Variants in PHKB observed in about 807,000 individuals in gnomAD.
PHKB encodes the protein phosphorylase kinase regulatory subunit beta.
Under a neutral mutation model 152.1 loss-of-function variants are expected in PHKB, and 122 were observed. The ratio of observed to expected loss-of-function variants is 0.80; its 90% CI spans 0.69 to 0.93. The LOEUF (loss-of-function observed/expected upper bound fraction) is 0.93. PHKB is among the 40% of genes least tolerant of loss of function. The pLI, the probability that PHKB is intolerant of heterozygous loss-of-function variation, is 0.00. For missense variants in PHKB, 1,304 were observed against 1,328.4 expected (o/e 0.98, Z 0.29); for synonymous variants, 436 against 464.9 (o/e 0.94, Z 0.80).
chr16:47,671,639 C>A (rs1330663380), intron 26 of PHKB, among the ~76,000 whole-genome samples: 2 of 152,128 alleles, frequency 1.3e-5, no homozygotes, highest in Non-Finnish European at 2.9e-5. Context: ...GTGAAAAATG[C>A]ATTGCCTATT....
At chr16:47,516,883 G>A (rs1970607097) in intron 6 of PHKB, among the ~76,000 whole-genome samples, 1 of 152,124 alleles carries the variant, frequency 6.6e-6, no homozygotes, top group East Asian at 1.9e-4. Context: ...ATAATTGTTA[G>A]TGTTTATAAT....
rs143178487 is a variant in PHKB, at chr16:47,574,216, C to T, written c.711-6079C>T. 1.1e-4 allele frequency among the ~76,000 whole-genome samples: 17 copies of T among 152,150 alleles called. No homozygotes were observed. The East Asian group carries it at 3.1e-3, about 28-fold the overall frequency. On this transcript the variant is annotated intron_variant, in intron 7 of 30. Transcript: ENST00000323584. ...ATTACAGGCATGAGCCATCACTTCTCATATGCTCCTTGTGGCTCACCAAAT... is the reference window on the plus strand; with the variant it reads ...ATTACAGGCATGAGCCATCACTTCTTATATGCTCCTTGTGGCTCACCAAAT...
intron 1 of PHKB, among the ~76,000 whole-genome samples, chr16:47,487,206 G>A (rs917764926): frequency 6.6e-6 from 1 of 152,174 alleles, no homozygotes; most frequent in Non-Finnish European, 1.5e-5. Context: ...CCAGTAGGGA[G>A]TGCTATGTAA....
At chr16:47,619,367 T>C (rs1972578291) in intron 14 of PHKB, 1 of 152,200 alleles carries the variant, frequency 6.6e-6, no homozygotes, top group South Asian at 2.1e-4. Flanking sequence ...TGCCTTAGGA[T>C]GCTGAGAGTT....
At chr16:47,554,522 G>A (rs1971332043) in intron 7 of PHKB, among the ~76,000 whole-genome samples, 1 of 152,114 alleles carries the variant, frequency 6.6e-6, no homozygotes, top group Non-Finnish European at 1.5e-5. Context: ...CCAGGGGAGT[G>A]AACGGTTCTG....
chr16:47,510,799 C>CCACTTAGGTATTATCAT (rs1270060108), intron 4 of PHKB, among the ~76,000 whole-genome samples: 14 of 152,076 alleles, frequency 9.2e-5, no homozygotes, highest in Non-Finnish European at 1.9e-4. Context: ...AAGAATGCAA[C>CCACTTAGGTATTATCAT]CACTTAGGTA....
intron 20 of PHKB, among the ~76,000 whole-genome samples, chr16:47,656,686 C>G (rs1973345176): frequency 6.6e-6 from 1 of 152,058 alleles, no homozygotes. Flanking sequence ...GTTCCTCATT[C>G]CCCCCACACT....
intron 1 of PHKB, among the ~76,000 whole-genome samples, chr16:47,466,829 T>G (rs1006216434): frequency 6.6e-6 from 1 of 152,178 alleles, no homozygotes; most frequent in Non-Finnish European, 1.5e-5. Context: ...ATCAAAAAGA[T>G]TCTTGTGATT....
At chr16:47,697,142 C>T (rs541368119) in intron 29 of PHKB, among the ~76,000 whole-genome samples, 6 of 152,252 alleles carry the variant, frequency 3.9e-5, no homozygotes, top group Admixed American at 1.3e-4. Context: ...TTAGCTTATC[C>T]GCACTTTGTC....
At position 47,461,531 on chromosome 16, in the gene PHKB, C is replaced by T. The variant is rs890434549; in HGVS notation, c.76+105C>T. On this transcript the variant is annotated intron_variant, in intron 1 of 30. Transcript: ENST00000323584. The stretch of plus-strand genomic sequence containing the variant: ...TGGGGGCCCTGGGAATGAACCTGTG[C>T]CCCGAGTTCCTCCTTAGAAAGCAGG... The T allele has an allele frequency of 2.7e-6, 3 of 1,122,910 alleles. No homozygotes were observed. In the African/African-American group the frequency reaches 4.5e-5, roughly 17 times the overall value. The allele number at this position is 1,122,910 out of a possible 1,614,324, so 69.6% of individuals were successfully genotyped here.
intron 7 of PHKB, chr16:47,565,641 G>T: frequency 8.8e-7 from 1 of 1,135,606 alleles, no homozygotes; most frequent in Non-Finnish European, 1.3e-6. Flanking sequence ...GGTCTGTGAT[G>T]ACTCACTTCC....
intron 25 of PHKB, among the ~76,000 whole-genome samples, chr16:47,666,716 A>G (rs1010667010): frequency 5.3e-5 from 8 of 152,202 alleles, no homozygotes; most frequent in Non-Finnish European, 7.3e-5. Context: ...ACACGTCCCA[A>G]TGTGCCCAGC....
At chr16:47,698,300 C>A (rs1974186582) in intron 29 of PHKB, 148 bp from the exon 30 acceptor site, 6 of 672,372 alleles carry the variant, frequency 8.9e-6, no homozygotes, top group South Asian at 1.8e-5. Context: ...AAATAACTTG[C>A]AAAATTAGGA....
At chr16:47,531,453 C>T (rs1970860441) in intron 6 of PHKB, among the ~76,000 whole-genome samples, 1 of 151,940 alleles carries the variant, frequency 6.6e-6, no homozygotes, top group Admixed American at 6.6e-5. Flanking sequence ...GTTTACATCC[C>T]TTGATAGTTA....
At chr16:47,624,628 T>A (rs1314136635) in intron 14 of PHKB, among the ~76,000 whole-genome samples, 2 of 152,216 alleles carry the variant, frequency 1.3e-5, no homozygotes, top group African/African-American at 4.8e-5. Context: ...CTGTTCCAAT[T>A]GATATTCAGT....
At chr16:47,577,910 T>C (rs1057255970) in intron 7 of PHKB, among the ~76,000 whole-genome samples, 11 of 152,200 alleles carry the variant, frequency 7.2e-5, no homozygotes, top group Non-Finnish European at 1.6e-4. Flanking sequence ...GGGAATTTTC[T>C]GCTTTGCCCT....
chr16:47,488,612 G>T (rs1970090881), intron 1 of PHKB, among the ~76,000 whole-genome samples: 3 of 152,154 alleles, frequency 2.0e-5, no homozygotes. Flanking sequence ...ACTATGAGCT[G>T]ATTTTTATAC....
chr16:47,636,994 A>C (rs1972933297), intron 14 of PHKB, among the ~76,000 whole-genome samples: 1 of 152,060 alleles, frequency 6.6e-6, no homozygotes. Flanking sequence ...AGCCCATAAA[A>C]ACCACCAGAC....
At chr16:47,677,438 T>G (rs1189016607) in intron 26 of PHKB, among the ~76,000 whole-genome samples, 2 of 152,232 alleles carry the variant, frequency 1.3e-5, no homozygotes, top group Admixed American at 1.3e-4. Context: ...GAAATTTATT[T>G]TCTCACAATC....
Sources: allele counts gnomAD v4.1 joint callset (sites outside exome capture counted in the v4.1 genomes callset), GRCh38; gene constraint gnomAD v4.1.1; transcripts MANE v1.5; gene names NCBI Gene and HGNC (gene_info 2026-07-23, HGNC 2026-07-21).